The following RARB variants were observed in gnomAD, a reference collection of about 807,000 sequenced individuals.
The protein encoded by RARB is retinoic acid receptor beta.
Under a neutral mutation model 51.9 loss-of-function variants are expected in RARB, and 17 were observed. The ratio of observed to expected loss-of-function variants is 0.33; its 90% CI spans 0.22 to 0.49. RARB has a LOEUF of 0.49. Among genes scored for constraint, RARB ranks in the 20% least tolerant of loss-of-function variants. RARB has a pLI of 0.99. For missense variants in RARB, 369 were observed against 550.8 expected (o/e 0.67, Z 3.30); for synonymous variants, 215 against 195.4 (o/e 1.10, Z -0.84).
chr3:25,228,038 T>C (rs1317556675), intron 5 of RARB, among the ~76,000 whole-genome samples: 1 of 152,110 alleles, frequency 6.6e-6, no homozygotes. Flanking sequence ...TGCAGGTGAT[T>C]TGACAATTTT....
chr3:25,016,038 T>G (rs1044483496), intron 2 of RARB, among the ~76,000 whole-genome samples: 1 of 152,220 alleles, frequency 6.6e-6, no homozygotes, highest in South Asian at 2.1e-4. Flanking sequence ...TTCAGGTCTT[T>G]GGTGGAACAA....
intron 5 of RARB, among the ~76,000 whole-genome samples, chr3:25,197,407 T>C (rs1453121327): frequency 6.6e-6 from 1 of 152,128 alleles, no homozygotes; most frequent in African/African-American, 2.4e-5. Context: ...AGGCCTCTGT[T>C]CTGTTCCATT....
At chr3:25,252,608 T>G (rs1702753902) in intron 5 of RARB, among the ~76,000 whole-genome samples, 1 of 152,222 alleles carries the variant, frequency 6.6e-6, no homozygotes, top group Non-Finnish European at 1.5e-5. Context: ...TTGGTTGCTA[T>G]TACAGTCAGG....
At chr3:25,532,892 T>C (rs1000074922) in intron 3 of RARB, among the ~76,000 whole-genome samples, 1 of 152,324 alleles carries the variant, frequency 6.6e-6, no homozygotes, top group South Asian at 2.1e-4. Context: ...TAAAGTTCAC[T>C]TCAGAGGCTG....
chr3:25,048,388 G>A (rs1698258498), intron 2 of RARB, among the ~76,000 whole-genome samples: 1 of 152,064 alleles, frequency 6.6e-6, no homozygotes, highest in Non-Finnish European at 1.5e-5. Context: ...TCCAATATAT[G>A]ATATCTTAAT....
intron 2 of RARB, among the ~76,000 whole-genome samples, chr3:24,919,434 A>T (rs1352667972): frequency 6.6e-6 from 1 of 151,942 alleles, no homozygotes; most frequent in African/African-American, 2.4e-5. Context: ...TGGCTAATCA[A>T]AGATGGCCAA....
intron 5 of RARB, among the ~76,000 whole-genome samples, chr3:25,371,730 A>G (rs1706307412): frequency 6.6e-6 from 1 of 152,262 alleles, no homozygotes; most frequent in South Asian, 2.1e-4. Flanking sequence ...CTGTACAAAC[A>G]TGAAGTTTAT....
chr3:25,246,677 GCTC>G (rs1702569346), intron 5 of RARB, among the ~76,000 whole-genome samples: 1 of 152,142 alleles, frequency 6.6e-6, no homozygotes, highest in African/African-American at 2.4e-5. Context: ...ATTGCTGTGT[GCTC>G]CTCCCTCTGG....
chr3:25,225,140 C>A (rs1702027881), intron 5 of RARB, among the ~76,000 whole-genome samples: 1 of 152,124 alleles, frequency 6.6e-6, no homozygotes, highest in Admixed American at 6.5e-5. Context: ...CCCTTCATCT[C>A]TCCATTAATT....
chr3:24,971,314 T>G (rs78538742), intron 2 of RARB, among the ~76,000 whole-genome samples: 1,679 of 152,114 alleles, frequency 0.011, 26 homozygotes, highest in East Asian at 0.085. Flanking sequence ...ATTTACTTTT[T>G]CCTTGATGTT....
chr3:24,864,690 T>C (rs1702815794), intron 2 of RARB, among the ~76,000 whole-genome samples: 1 of 150,360 alleles, frequency 6.7e-6, no homozygotes, highest in Non-Finnish European at 1.5e-5. Context: ...AGTGATTTTT[T>C]GGAATATGGC....
At chr3:25,579,619 A>G (rs974681181) in intron 4 of RARB, among the ~76,000 whole-genome samples, 1 of 152,206 alleles carries the variant, frequency 6.6e-6, no homozygotes. Flanking sequence ...CCATCAGTTA[A>G]TGAGCATTTG....
At chr3:25,345,995 GTTC>G (rs1482781420) in intron 5 of RARB, 1 of 559,688 alleles carries the variant, frequency 1.8e-6, no homozygotes, top group African/African-American at 2.0e-5. Context: ...CCGATGAGTA[GTTC>G]TTCTGACCCG....
chr3:25,495,146 T>C (rs1325821642), intron 2 of RARB, among the ~76,000 whole-genome samples: 1 of 152,108 alleles, frequency 6.6e-6, no homozygotes, highest in Non-Finnish European at 1.5e-5. Context: ...CTGTGGAAGA[T>C]AGTGGAGATT....
chr3:25,269,965 G>A (rs1032759269), intron 5 of RARB, among the ~76,000 whole-genome samples: 5 of 152,088 alleles, frequency 3.3e-5, no homozygotes, highest in Admixed American at 6.6e-5. Flanking sequence ...AGATACCACC[G>A]CGTACCATTT....
intron 3 of RARB, among the ~76,000 whole-genome samples, chr3:25,067,197 A>G (rs886138109): frequency 2.0e-5 from 3 of 152,222 alleles, no homozygotes; most frequent in Admixed American, 6.5e-5. Flanking sequence ...CGTCCTTGTC[A>G]TATTAAAGGC....
At chr3:24,917,328 C>G (rs933070922) in intron 2 of RARB, among the ~76,000 whole-genome samples, 1 of 152,028 alleles carries the variant, frequency 6.6e-6, no homozygotes, top group Admixed American at 6.5e-5. Flanking sequence ...ATTGACTAAA[C>G]TTAAAAAATG....
chr3:25,510,405 C>T (rs1294103507), intron 3 of RARB, among the ~76,000 whole-genome samples: 1 of 152,140 alleles, frequency 6.6e-6, no homozygotes, highest in Admixed American at 6.6e-5. Context: ...GGGTAGATCA[C>T]TTGAGGTCAG....
At chr3:25,357,543 T>C (rs1705781211) in intron 5 of RARB, among the ~76,000 whole-genome samples, 2 of 152,254 alleles carry the variant, frequency 1.3e-5, no homozygotes, top group African/African-American at 4.8e-5. Context: ...ATTTTGGCTT[T>C]TGTTGCCGTT....
Sources: gnomAD v4.1 joint callset for allele counts (sites outside exome capture counted in the v4.1 genomes callset) on GRCh38, gnomAD v4.1.1 for gene constraint, MANE v1.5 for transcripts, NCBI Gene and HGNC (gene_info 2026-07-23, HGNC 2026-07-21) for gene names.